The following PIK3R3 variants were observed in gnomAD, a reference collection of about 807,000 sequenced individuals.
PIK3R3 encodes phosphoinositide-3-kinase regulatory subunit 3.
PIK3R3 carries 64 observed loss-of-function variants against 62.9 expected under a neutral mutation model. The ratio of observed to expected loss-of-function variants is 1.02; its 90% CI spans 0.83 to 1.25. The LOEUF (loss-of-function observed/expected upper bound fraction) is 1.25, where lower values mean the gene tolerates loss of function less well. Ranked by LOEUF, PIK3R3 falls within the 50% of genes most tolerant of loss-of-function variation. PIK3R3 has a pLI of 0.00. For missense variants in PIK3R3, 614 were observed against 561.6 expected, an observed-to-expected ratio of 1.09 and a Z score of -0.94; for synonymous variants, 165 against 189.0, an observed-to-expected ratio of 0.87 and a Z score of 1.04.
chr1:46,091,566 G>GA (rs536493281), intron 1 of PIK3R3, among the ~76,000 whole-genome samples: 10 of 152,160 alleles, frequency 6.6e-5, no homozygotes, highest in East Asian at 5.8e-4. Flanking sequence ...GCTCTTTACA[G>GA]AAAAAATGTC....
At chr1:46,107,468 A>G (rs1653328803) in intron 1 of PIK3R3, among the ~76,000 whole-genome samples, 1 of 152,084 alleles carries the variant, frequency 6.6e-6, no homozygotes, top group Non-Finnish European at 1.5e-5. Context: ...AAAGGAATAA[A>G]TCAAAGAGAC....
At chr1:46,060,468 C>T (rs929351923) in intron 6 of PIK3R3, among the ~76,000 whole-genome samples, 7 of 152,194 alleles carry the variant, frequency 4.6e-5, no homozygotes, top group African/African-American at 1.7e-4. Flanking sequence ...CCAGCCTGGG[C>T]AACAGAGACT....
chr1:46,161,450 A>C, the PIK3R3 span, among the ~76,000 whole-genome samples: 1 of 152,174 alleles, frequency 6.6e-6, no homozygotes, highest in African/African-American at 2.4e-5. Flanking sequence ...CAGGTACATT[A>C]ATATCAGGGT....
intron 1 of PIK3R3, among the ~76,000 whole-genome samples, chr1:46,126,222 A>G (rs1655083901): frequency 6.6e-6 from 1 of 151,992 alleles, no homozygotes; most frequent in African/African-American, 2.4e-5. Flanking sequence ...GACTCAATGC[A>G]GCAGCAGAGA....
chr1:46,142,502 T>C, the PIK3R3 span, among the ~76,000 whole-genome samples: 1 of 151,974 alleles, frequency 6.6e-6, no homozygotes, highest in African/African-American at 2.4e-5. Flanking sequence ...ATCGAGACCA[T>C]CCTGGCTAAC....
upstream of PIK3R3, among the ~76,000 whole-genome samples, chr1:46,135,029 A>G (rs967207269): frequency 6.6e-6 from 1 of 152,250 alleles, no homozygotes; most frequent in Non-Finnish European, 1.5e-5. Flanking sequence ...GGCAATGATG[A>G]ATCAAGGGGA....
intron 1 of PIK3R3, among the ~76,000 whole-genome samples, chr1:46,123,627 A>G (rs1380463652): frequency 6.6e-6 from 1 of 152,220 alleles, no homozygotes; most frequent in African/African-American, 2.4e-5. Flanking sequence ...GAAATCGGAA[A>G]CAGAGCAACC....
intron 7 of PIK3R3, among the ~76,000 whole-genome samples, chr1:46,049,017 A>T (rs1462840408): frequency 6.6e-6 from 1 of 152,200 alleles, no homozygotes; most frequent in Admixed American, 6.5e-5. Flanking sequence ...CTGAGGCAAA[A>T]CATTCAAAGA....
At chr1:46,089,714 C>CAAAAAAAA in intron 1 of PIK3R3, among the ~76,000 whole-genome samples, 1 of 63,228 alleles carries the variant, frequency 1.6e-5, no homozygotes, top group Non-Finnish European at 3.3e-5. Flanking sequence ...GACTCCATCT[C>CAAAAAAAA]AAAAAAAAAA....
At chr1:46,119,104 T>C (rs903988653) in intron 1 of PIK3R3, among the ~76,000 whole-genome samples, 1 of 152,192 alleles carries the variant, frequency 6.6e-6, no homozygotes, top group African/African-American at 2.4e-5. Context: ...TTTTATCCTC[T>C]GTTTCTTTCT....
chr1:46,169,643 G>C, the PIK3R3 span, among the ~76,000 whole-genome samples: 3 of 152,264 alleles, frequency 2.0e-5, no homozygotes, highest in Non-Finnish European at 4.4e-5. Flanking sequence ...CAGCAGGCAA[G>C]CAAGGAGAGG....
intron 1 of PIK3R3, among the ~76,000 whole-genome samples, chr1:46,119,934 T>A (rs550448683): frequency 1.3e-5 from 2 of 152,170 alleles, no homozygotes; most frequent in African/African-American, 4.8e-5. Flanking sequence ...TGCACCACCA[T>A]GCACAGCTAA....
In PIK3R3 at chr1:46,049,795, G is replaced by A. The variant is rs527617673; in HGVS notation, c.942-3170C>T. On this transcript the variant is annotated intron_variant, in intron 7 of 9. Transcript: ENST00000262741. ...TATTTTTAATGTAACCAGGCCAGTG[G>A]GAGCTTGGAATAAATTTAATTAAAA... Among the ~76,000 whole-genome samples, 52 of 152,232 alleles carry A rather than the reference G, an allele frequency of 3.4e-4. 1 individual carries two copies. In the South Asian group the frequency reaches 6.9e-3, roughly 20 times the overall value.
At chr1:46,045,616 GCTTTTTTT>G (rs1647090167) in intron 9 of PIK3R3, among the ~76,000 whole-genome samples, 3 of 16,532 alleles carry the variant, frequency 1.8e-4, no homozygotes, top group Admixed American at 1.3e-3. Flanking sequence ...ACAATTAAGT[GCTTTTTTT>G]TTTTTTTTTT....
chr1:46,054,696 T>C (rs962427486), intron 7 of PIK3R3, among the ~76,000 whole-genome samples: 3 of 152,244 alleles, frequency 2.0e-5, no homozygotes, highest in African/African-American at 4.8e-5. Context: ...TTCTGTCCTA[T>C]GAAGCAGTTA....
chr1:46,098,713 CTTTTT>C (rs964777622), intron 1 of PIK3R3, among the ~76,000 whole-genome samples: 1 of 151,842 alleles, frequency 6.6e-6, no homozygotes, highest in South Asian at 2.1e-4. Context: ...ATGACTTTTT[CTTTTT>C]TTTGAGACAG....
intron 3 of PIK3R3, 97 bp from the exon 4 acceptor site, chr1:46,067,188 T>C: frequency 1.2e-6 from 1 of 865,640 alleles, no homozygotes; most frequent in Non-Finnish European, 1.8e-6. Flanking sequence ...TGTCACATGA[T>C]AAACAAGTTT....
chr1:46,103,469 C>T (rs1159530691), intron 1 of PIK3R3, among the ~76,000 whole-genome samples: 1 of 151,934 alleles, frequency 6.6e-6, no homozygotes, highest in African/African-American at 2.4e-5. Flanking sequence ...ACTCAGGAGG[C>T]TGAGGCACGA....
the PIK3R3 span, among the ~76,000 whole-genome samples, chr1:46,147,609 C>T: frequency 2.6e-5 from 4 of 151,558 alleles, no homozygotes; most frequent in African/African-American, 7.3e-5. Flanking sequence ...TTAGTAGAGA[C>T]GGAGTTTCAC....
Sources: allele counts gnomAD v4.1 joint callset (sites outside exome capture counted in the v4.1 genomes callset), GRCh38; gene constraint gnomAD v4.1.1; transcripts MANE v1.5; gene names NCBI Gene and HGNC (gene_info 2026-07-23, HGNC 2026-07-21).